CTNNA2: variants seen among roughly 807,000 people sequenced by gnomAD.
The protein encoded by CTNNA2 is catenin alpha-2.
Under a neutral mutation model 101.0 loss-of-function variants are expected in CTNNA2, and 42 were observed. The observed-to-expected ratio is 0.42, with a 90% CI of 0.32 to 0.54. The LOEUF (loss-of-function observed/expected upper bound fraction) is 0.54, where lower values mean the gene tolerates loss of function less well. CTNNA2 is among the 20% of genes least tolerant of loss of function. The probability of loss-of-function intolerance (pLI) is 0.14; values close to 1 mark genes in which losing one functional copy is unlikely to be tolerated. For synonymous variants in CTNNA2, 450 were observed against 456.4 expected (o/e 0.99, Z 0.18); for missense variants, 871 against 1,223.1 (o/e 0.71, Z 4.29).
intron 15 of CTNNA2, among the ~76,000 whole-genome samples, chr2:80,599,105 A>G (rs1697241603): frequency 6.6e-6 from 1 of 152,204 alleles, no homozygotes; most frequent in Admixed American, 6.5e-5. Context: ...GGACATTTCT[A>G]TACATATCTC....
chr2:79,272,439 G>C (rs964116533), intron 2 of CTNNA2, among the ~76,000 whole-genome samples: 3 of 151,908 alleles, frequency 2.0e-5, no homozygotes, highest in African/African-American at 7.3e-5. Flanking sequence ...TTTTGATATA[G>C]TACATCACAT....
chr2:79,645,594 C>T (rs778690845), intron 1 of CTNNA2, among the ~76,000 whole-genome samples: 20 of 152,150 alleles, frequency 1.3e-4, no homozygotes, highest in Non-Finnish European at 2.8e-4. Flanking sequence ...CTCCCTTTCT[C>T]AATAGATCTG....
chr2:79,374,520 A>ATT (rs35015457), intron 4 of CTNNA2, among the ~76,000 whole-genome samples: 99,527 of 151,760 alleles, frequency 0.66, 33,487 homozygotes, highest in African/African-American at 0.8. Flanking sequence ...ATATATATAT[A>ATT]TTTTTCTATT....
chr2:80,531,280 G>T lies in CTNNA2; in HGVS notation c.1291-13702G>T, dbSNP rs1690516626. Among the ~76,000 whole-genome samples, 3 of 152,182 alleles carry T rather than the reference G, an allele frequency of 2.0e-5. No individual in the cohort carries two copies. The South Asian group carries it at 6.2e-4, about 31-fold the overall frequency. The stretch of plus-strand genomic sequence containing the variant: ...GTAACCATTGCAGTGGCCAGACCAG[G>T]TGTTTACCAAGGGGCCAATGAGGAC... On this transcript the variant is annotated intron_variant, in intron 9 of 18. Coordinates refer to ENST00000402739, the MANE Select transcript of CTNNA2 (RefSeq NM_001282597.3).
intron 7 of CTNNA2, among the ~76,000 whole-genome samples, chr2:80,316,624 A>G (rs1678151673): frequency 6.6e-6 from 1 of 152,170 alleles, no homozygotes; most frequent in Non-Finnish European, 1.5e-5. Context: ...GGAAAAAGCA[A>G]TTTTGCATTA....
chr2:80,109,862 C>T (rs1177975959), intron 7 of CTNNA2, among the ~76,000 whole-genome samples: 2 of 150,834 alleles, frequency 1.3e-5, no homozygotes, highest in Non-Finnish European at 2.9e-5. Flanking sequence ...CACCAGTTCT[C>T]GTCATCTTAA....
chr2:79,201,068 G>A (rs1674027834), intron 2 of CTNNA2, among the ~76,000 whole-genome samples: 2 of 151,852 alleles, frequency 1.3e-5, no homozygotes, highest in South Asian at 2.1e-4. Context: ...AACCCCTTAA[G>A]TAATCAAAAT....
chr2:79,737,373 C>T (rs909764376), intron 2 of CTNNA2, among the ~76,000 whole-genome samples: 2 of 151,236 alleles, frequency 1.3e-5, no homozygotes, highest in African/African-American at 4.8e-5. Flanking sequence ...AAGGTCACTG[C>T]TTTGTCTTTC....
At chr2:79,782,227 C>CT in intron 3 of CTNNA2, among the ~76,000 whole-genome samples, 1 of 152,136 alleles carries the variant, frequency 6.6e-6, no homozygotes, top group East Asian at 1.9e-4. Flanking sequence ...TGCTTGCCTT[C>CT]TTTTATTTTT....
chr2:80,309,697 AT>A (rs754042797), intron 7 of CTNNA2, among the ~76,000 whole-genome samples: 4 of 135,994 alleles, frequency 2.9e-5, no homozygotes, highest in South Asian at 2.4e-4. Context: ...CTCTATTTAC[AT>A]TTTTTTTTGT....
chr2:80,043,681 A>T (rs1038903513), intron 7 of CTNNA2, among the ~76,000 whole-genome samples: 3 of 152,252 alleles, frequency 2.0e-5, no homozygotes, highest in Non-Finnish European at 4.4e-5. Flanking sequence ...ATGGAAGCCT[A>T]GAGAATTGAA....
intron 4 of CTNNA2, among the ~76,000 whole-genome samples, chr2:79,429,629 C>T (rs1044446218): frequency 6.6e-6 from 1 of 152,040 alleles, no homozygotes; most frequent in Admixed American, 6.6e-5. Context: ...ATAAATGAAA[C>T]TATCCTTGTA....
chr2:79,977,193 TACAC>T (rs1183838352), intron 7 of CTNNA2, among the ~76,000 whole-genome samples: 1 of 144,854 alleles, frequency 6.9e-6, no homozygotes, highest in Non-Finnish European at 1.5e-5. Context: ...ATTGCAAACG[TACAC>T]ACACACGTGC....
intron 7 of CTNNA2, among the ~76,000 whole-genome samples, chr2:80,371,881 A>G (rs961065539): frequency 1.3e-5 from 2 of 152,156 alleles, no homozygotes; most frequent in Admixed American, 1.3e-4. Context: ...TATGCTTATT[A>G]GAGGTAATGA....
At chr2:79,763,974 A>G (rs1319031781) in intron 3 of CTNNA2, among the ~76,000 whole-genome samples, 1 of 152,144 alleles carries the variant, frequency 6.6e-6, no homozygotes, top group African/African-American at 2.4e-5. Flanking sequence ...GCAACAGCCC[A>G]CTCCATCCAC....
chr2:80,170,469 T>C (rs931103716), intron 7 of CTNNA2, among the ~76,000 whole-genome samples: 1 of 152,174 alleles, frequency 6.6e-6, no homozygotes, highest in Admixed American at 6.5e-5. Flanking sequence ...GGCCTGGGTG[T>C]ACTCAGCCAG....
chr2:80,448,895 C>A (rs1160551602), intron 9 of CTNNA2, among the ~76,000 whole-genome samples: 1 of 152,080 alleles, frequency 6.6e-6, no homozygotes, highest in Non-Finnish European at 1.5e-5. Context: ...TTTTCTCTAT[C>A]TTTTCCTCCA....
At chr2:79,982,232 A>ATAT (rs1553420949) in intron 7 of CTNNA2, among the ~76,000 whole-genome samples, 2 of 97,596 alleles carry the variant, frequency 2.0e-5, no homozygotes, top group Admixed American at 1.0e-4. Flanking sequence ...ATATATATAT[A>ATAT]TATATATATG....
intron 4 of CTNNA2, among the ~76,000 whole-genome samples, chr2:79,399,421 T>G (rs1678266664): frequency 6.6e-6 from 1 of 152,100 alleles, no homozygotes; most frequent in African/African-American, 2.4e-5. Flanking sequence ...AAGGCAGGGT[T>G]TTAAACTGCC....
Sources: gnomAD v4.1 joint callset for allele counts (sites outside exome capture counted in the v4.1 genomes callset) on GRCh38, gnomAD v4.1.1 for gene constraint, MANE v1.5 for transcripts, NCBI Gene and HGNC (gene_info 2026-07-23, HGNC 2026-07-21) for gene names.